PCDH9: variants seen among roughly 807,000 people sequenced by gnomAD.
PCDH9 encodes the protein protocadherin-9.
PCDH9 carries 24 observed loss-of-function variants against 70.6 expected under a neutral mutation model. That is an observed-to-expected ratio of 0.34 (90% confidence interval 0.25 to 0.48). The LOEUF is 0.48. Ranked by LOEUF, PCDH9 falls within the 20% of genes least tolerant of loss-of-function variation. The pLI is 0.99. For synonymous variants in PCDH9, 562 were observed against 558.5 expected (o/e 1.01, Z -0.09); for missense variants, 1,281 against 1,503.6 (o/e 0.85, Z 2.45).
Position 67,064,329 on chromosome 13 carries a change from T to C in PCDH9, c.3037-160724A>G, listed in dbSNP as rs550009584. 2.7e-4 allele frequency among the ~76,000 whole-genome samples: 41 copies of C among 152,250 alleles called. 1 individual carries two copies. The South Asian group carries it at 8.1e-3, about 30-fold the overall frequency. ...TGCAGCGAATTTTAAATCCTATTTA[T>C]TCCTTCCAAAATTGCTGCATTTTAT... is the stretch of plus-strand genomic sequence containing the variant. On this transcript the variant is annotated intron_variant, in intron 2 of 4. Transcript: ENST00000377865.
intron 4 of PCDH9, among the ~76,000 whole-genome samples, chr13:66,332,368 C>T (rs1441442000): frequency 6.6e-6 from 1 of 151,984 alleles, no homozygotes; most frequent in African/African-American, 2.4e-5. Context: ...TTCATTTTGT[C>T]GAAAGAGAAT....
intron 4 of PCDH9, 24 bp downstream of exon 4, chr13:66,631,186 A>G (rs1593807797): frequency 2.4e-6 from 3 of 1,260,194 alleles, no homozygotes; most frequent in African/African-American, 2.9e-5. Context: ...ACTCCAAGCA[A>G]TCAAAATTTT....
At chr13:66,465,801 G>T (rs1296837303) in intron 4 of PCDH9, among the ~76,000 whole-genome samples, 2 of 151,746 alleles carry the variant, frequency 1.3e-5, no homozygotes, top group South Asian at 2.1e-4. Flanking sequence ...TTTCTAACTG[G>T]AATATTTTCT....
intron 4 of PCDH9, among the ~76,000 whole-genome samples, chr13:66,314,484 T>C (rs1955616168): frequency 6.6e-6 from 1 of 152,240 alleles, no homozygotes; most frequent in Non-Finnish European, 1.5e-5. Flanking sequence ...GAGCTCTTTA[T>C]CTGCACTTCA....
chr13:66,987,745 G>A (rs2083922133), intron 2 of PCDH9, among the ~76,000 whole-genome samples: 1 of 151,804 alleles, frequency 6.6e-6, no homozygotes, highest in Non-Finnish European at 1.5e-5. Flanking sequence ...CAGGCTGGGA[G>A]ATATTCTTAT....
At chr13:66,401,583 C>T (rs1329620294) in intron 4 of PCDH9, among the ~76,000 whole-genome samples, 1 of 151,992 alleles carries the variant, frequency 6.6e-6, no homozygotes, top group East Asian at 1.9e-4. Context: ...TTCTAATTAC[C>T]TTCTAACAAA....
chr13:67,131,315 G>T (rs1439785929), intron 2 of PCDH9, among the ~76,000 whole-genome samples: 1 of 152,140 alleles, frequency 6.6e-6, no homozygotes, highest in East Asian at 1.9e-4. Flanking sequence ...CTAAATGGAT[G>T]TGAAACAATG....
At chr13:66,906,036 G>C (rs1049273933) in intron 2 of PCDH9, among the ~76,000 whole-genome samples, 18 of 152,070 alleles carry the variant, frequency 1.2e-4, no homozygotes, top group Admixed American at 6.6e-5. Flanking sequence ...AATTGTACTG[G>C]ATCATCAAGA....
chr13:67,160,300 C>G (rs554114692), intron 2 of PCDH9, among the ~76,000 whole-genome samples: 17 of 152,278 alleles, frequency 1.1e-4, no homozygotes, highest in Middle Eastern at 3.4e-3. Flanking sequence ...AATCCCAACA[C>G]TTTGGGAGGC....
intron 2 of PCDH9, chr13:67,213,332 C>A (rs1001635680): frequency 3.4e-5 from 5 of 146,942 alleles, no homozygotes; most frequent in Admixed American, 6.9e-5. Flanking sequence ...ATAAATATAT[C>A]GCTTCATACA....
intron 2 of PCDH9, among the ~76,000 whole-genome samples, chr13:67,192,926 C>T (rs1461074801): frequency 6.6e-6 from 1 of 152,118 alleles, no homozygotes. Flanking sequence ...AAAGGGAAAA[C>T]TGTTTAACAG....
At chr13:66,795,153 G>T (rs911141332) in intron 3 of PCDH9, among the ~76,000 whole-genome samples, 1 of 151,916 alleles carries the variant, frequency 6.6e-6, no homozygotes, top group Non-Finnish European at 1.5e-5. Flanking sequence ...TCTCTAACAT[G>T]CTTGGGACCA....
chr13:67,113,552 A>T (rs7327414), intron 2 of PCDH9, among the ~76,000 whole-genome samples: 39,831 of 151,216 alleles, frequency 0.26, 5,507 homozygotes, highest in East Asian at 0.54. Context: ...TTGCCAAATC[A>T]TGTTTTTTTT....
chr13:66,476,228 A>AGTTTG (rs1207501541), intron 4 of PCDH9, among the ~76,000 whole-genome samples: 6 of 152,026 alleles, frequency 3.9e-5, no homozygotes, highest in Non-Finnish European at 5.9e-5. Flanking sequence ...GTTTGTTTTG[A>AGTTTG]GTTTGTTCAT....
At chr13:67,029,163 A>AAT (rs1371709039) in intron 2 of PCDH9, among the ~76,000 whole-genome samples, 1 of 152,218 alleles carries the variant, frequency 6.6e-6, no homozygotes, top group Non-Finnish European at 1.5e-5. Flanking sequence ...ATACTTAAAG[A>AAT]ACTTTGGAAA....
intron 4 of PCDH9, among the ~76,000 whole-genome samples, chr13:66,553,586 G>A (rs1300026507): frequency 6.6e-6 from 1 of 152,104 alleles, no homozygotes; most frequent in East Asian, 1.9e-4. Context: ...GGTATGCACA[G>A]GAAATAAGCC....
intron 2 of PCDH9, among the ~76,000 whole-genome samples, chr13:67,018,616 CA>C (rs1555297704): frequency 0.013 from 994 of 76,702 alleles, 6 homozygotes; most frequent in African/African-American, 0.041. Flanking sequence ...AGACTCGTCT[CA>C]AAAAAAAAAA....
chr13:66,998,848 GC>G (rs1185307760), intron 2 of PCDH9, among the ~76,000 whole-genome samples: 2 of 151,876 alleles, frequency 1.3e-5, no homozygotes, highest in Non-Finnish European at 2.9e-5. Context: ...TCTTTCTAAT[GC>G]TGCCCATGAA....
intron 4 of PCDH9, among the ~76,000 whole-genome samples, chr13:66,388,469 T>C (rs1428136962): frequency 1.3e-5 from 2 of 152,138 alleles, no homozygotes; most frequent in Non-Finnish European, 2.9e-5. Flanking sequence ...CCTCAAACAC[T>C]TCACAGGATT....
Sources: allele counts gnomAD v4.1 joint callset (sites outside exome capture counted in the v4.1 genomes callset), GRCh38; gene constraint gnomAD v4.1.1; transcripts MANE v1.5; gene names NCBI Gene and HGNC (gene_info 2026-07-23, HGNC 2026-07-21).